Variants in CIBAR2 observed in about 807,000 individuals in gnomAD.
The protein encoded by CIBAR2 is CBY1 interacting BAR domain containing 2, also known as CBY1-interacting BAR domain-containing protein 2.
CIBAR2 carries 38 observed loss-of-function variants against 36.2 expected under a neutral mutation model. The ratio of observed to expected loss-of-function variants is 1.05; its 90% CI spans 0.81 to 1.38. CIBAR2 has a LOEUF of 1.38. CIBAR2 is among the 40% of genes most tolerant of loss of function. The pLI is 0.00. For missense variants in CIBAR2, 481 were observed against 383.4 expected, an observed-to-expected ratio of 1.25 and a Z score of -2.13; for synonymous variants, 182 against 149.5, an observed-to-expected ratio of 1.22 and a Z score of -1.58.
At chr16:85,111,080 G>T (rs1370643678) in intron 1 of CIBAR2, among the ~76,000 whole-genome samples, 1 of 151,996 alleles carries the variant, frequency 6.6e-6, no homozygotes, top group Admixed American at 6.6e-5. Context: ...CCGCATTCAG[G>T]CTTCTACGAC....
intron 6 of CIBAR2, among the ~76,000 whole-genome samples, chr16:85,102,734 C>G (rs1477534859): frequency 6.6e-6 from 1 of 152,172 alleles, no homozygotes; most frequent in Non-Finnish European, 1.5e-5. Flanking sequence ...CCATCCTGTT[C>G]CCTTCTTTCA....
intron 2 of CIBAR2, among the ~76,000 whole-genome samples, chr16:85,108,733 G>T (rs568509703): frequency 4.8e-4 from 73 of 152,258 alleles, no homozygotes; most frequent in Non-Finnish European, 8.4e-4. Context: ...AATTAGCTGG[G>T]CATGGTGGTG....
intron 2 of CIBAR2, 112 bp downstream of exon 2, chr16:85,110,114 G>T: frequency 1.4e-6 from 1 of 737,682 alleles, no homozygotes; most frequent in Admixed American, 2.8e-5. Flanking sequence ...TGTCTCTGGA[G>T]ACACACCCAT....
chr16:85,106,475 G>C (rs1042521625), intron 5 of CIBAR2, among the ~76,000 whole-genome samples: 2 of 152,140 alleles, frequency 1.3e-5, no homozygotes, highest in East Asian at 1.9e-4. Context: ...GCTACAAGCA[G>C]TGCAATCAAA....
chr16:85,104,628 A>G (rs1405083127), intron 6 of CIBAR2, among the ~76,000 whole-genome samples: 1 of 152,128 alleles, frequency 6.6e-6, no homozygotes, highest in African/African-American at 2.4e-5. Context: ...AGGCAGGAGA[A>G]TCACTTAAAC....
chr16:85,099,990 C>A (rs1416955567), intron 8 of CIBAR2, 149 bp downstream of exon 8: 5 of 632,238 alleles, frequency 7.9e-6, no homozygotes, highest in Admixed American at 5.9e-5. Flanking sequence ...GGGCAGCCCT[C>A]CATGCTCCCA....
At chr16:85,112,008 G>T (rs2074046473) in intron 1 of CIBAR2, among the ~76,000 whole-genome samples, 1 of 152,210 alleles carries the variant, frequency 6.6e-6, no homozygotes, top group Admixed American at 6.5e-5. Context: ...CCCACAGAAG[G>T]GGGAGGCCTG....
chr16:85,111,411 C>G (rs970628349), intron 1 of CIBAR2, among the ~76,000 whole-genome samples: 4 of 152,234 alleles, frequency 2.6e-5, no homozygotes, highest in Non-Finnish European at 1.5e-5. Flanking sequence ...CAGACACAGC[C>G]TCTGTTCCCG....
intron 1 of CIBAR2, among the ~76,000 whole-genome samples, chr16:85,111,732 T>A (rs2074044130): frequency 6.6e-6 from 1 of 152,180 alleles, no homozygotes; most frequent in African/African-American, 2.4e-5. Context: ...TAGTCCCAGC[T>A]ACTTGGGAGG....
In CIBAR2 at chr16:85,099,223, G is replaced by A. The variant is rs757768853; in HGVS notation, c.877C>T (p.Gln293Ter). 119 of 1,607,416 alleles carry A rather than the reference G, an allele frequency of 7.4e-5. No individual in the cohort carries two copies. The highest frequency in any genetic ancestry group is 9.8e-5 in the Non-Finnish European group (115 of 1,177,010). The change falls in exon 9 of 9, where the codon CAG (glutamine) becomes TAG (stop). Residue 293 changes from glutamine (Q) to a stop codon, truncating the protein, a stop_gained. Transcript: ENST00000539556. LOFTEE classifies it high-confidence loss of function. ...KGQPAHCVCGQGGHLMLPGHS... is the reference protein window; with the variant it reads ...KGQPAHCVCG ...CCTGGAAGCATGAGATGCCCACCCT[G>A]CCCACACACACAGTGGGCTGGCTGC...
chr16:85,099,515 C>G (rs1232740620), intron 8 of CIBAR2, among the ~76,000 whole-genome samples, 169 bp from the exon 9 acceptor site: 1 of 152,100 alleles, frequency 6.6e-6, no homozygotes, highest in Non-Finnish European at 1.5e-5. Flanking sequence ...CTCTGTTTCT[C>G]AAGTGGCAAT....
chr16:85,108,026 C>T lies in CIBAR2; in HGVS notation c.324+5G>A, dbSNP rs1036669832. On this transcript the variant is annotated splice_donor_5th_base_variant and intron_variant, in intron 3 of 8. Coordinates refer to ENST00000539556, the MANE Select transcript of CIBAR2 (RefSeq NM_198491.3). ...TGCCACCCACACCGAGGTGCCCCGG[C>T]TCACCCGTGTCTGCTTGATCTGTGC... 3.1e-6 allele frequency: 5 copies of T among 1,613,664 alleles called. No individual in the cohort carries two copies. The highest frequency in any genetic ancestry group is 1.3e-5 in the African/African-American group (1 of 74,926).
Position 85,110,407 on chromosome 16 carries a change from A to T in CIBAR2, c.74T>A (p.Phe25Tyr), listed in dbSNP as rs199902827. Reference sequence around the variant, plus strand: ...GGCCAGCAGCGAGCAGAACTGCCCAAAGTACTTCTCGGTGTTGGCCACGGT... The same window carrying T: ...GGCCAGCAGCGAGCAGAACTGCCCATAGTACTTCTCGGTGTTGGCCACGGT... ...ENTVANTEKYFGQFCSLLAAY... is the reference protein window; with the variant it reads ...ENTVANTEKYYGQFCSLLAAY... Residue 25 changes from phenylalanine to tyrosine, a missense_variant, in exon 2 of 9, where the codon TTT (phenylalanine) becomes TAT (tyrosine). Transcript: ENST00000539556. 6.2e-7 allele frequency: 1 copy of T among 1,612,662 alleles called. No homozygotes were observed. Among genetic ancestry groups the T allele is most frequent in the Admixed American group, 1.7e-5 (1 of 59,890 alleles).
chr16:85,100,280 A>G, intron 7 of CIBAR2, 40 bp from the exon 8 acceptor site: 1 of 1,396,274 alleles, frequency 7.2e-7, no homozygotes, highest in Non-Finnish European at 1.0e-6. Context: ...TCCGATGGGA[A>G]AACACAGCGT....
intron 6 of CIBAR2, among the ~76,000 whole-genome samples, chr16:85,103,375 G>T (rs2144159311): frequency 6.6e-6 from 1 of 152,326 alleles, no homozygotes; most frequent in East Asian, 1.9e-4. Context: ...AAAGTGTTGT[G>T]TTGGCGCAGG....
intron 2 of CIBAR2, among the ~76,000 whole-genome samples, chr16:85,109,223 C>T (rs540711159): frequency 1.5e-4 from 23 of 152,250 alleles, no homozygotes; most frequent in African/African-American, 5.5e-4. Context: ...CCAGCCTGGG[C>T]CACATGGCGA....
At chr16:85,100,118 C>G (rs962954913) in intron 8 of CIBAR2, 21 bp downstream of exon 8, 18 of 1,593,450 alleles carry the variant, frequency 1.1e-5, no homozygotes, top group Admixed American at 8.6e-5. Flanking sequence ...GGTGTAACCC[C>G]TCACCCACCC....
intron 6 of CIBAR2, among the ~76,000 whole-genome samples, chr16:85,102,699 A>G (rs1022588284): frequency 4.6e-5 from 7 of 152,186 alleles, no homozygotes; most frequent in South Asian, 2.1e-4. Context: ...CAAAGTGTCA[A>G]CTGAGGAGAC....
intron 5 of CIBAR2, among the ~76,000 whole-genome samples, chr16:85,106,153 G>T (rs1419050397): frequency 6.6e-6 from 1 of 152,182 alleles, no homozygotes; most frequent in Non-Finnish European, 1.5e-5. Flanking sequence ...GGGTGACCCA[G>T]GTGGGATCCA....
Sources: gnomAD v4.1 joint callset for allele counts (sites outside exome capture counted in the v4.1 genomes callset) on GRCh38, gnomAD v4.1.1 for gene constraint, MANE v1.5 for transcripts, NCBI Gene and HGNC (gene_info 2026-07-23, HGNC 2026-07-21) for gene names.